Variants in EPRS1 observed in about 807,000 individuals in gnomAD.
EPRS1 encodes bifunctional glutamate/proline--tRNA ligase.
EPRS1 carries 107 observed loss-of-function variants against 188.3 expected under a neutral mutation model. That is an observed-to-expected ratio of 0.57 (90% CI 0.49 to 0.67). The LOEUF (loss-of-function observed/expected upper bound fraction) is 0.67, where lower values mean the gene tolerates loss of function less well. Ranked by LOEUF, EPRS1 falls within the 30% of genes least tolerant of loss-of-function variation. The pLI is 0.00. For missense variants in EPRS1, 1,577 were observed against 1,802.2 expected, an observed-to-expected ratio of 0.88 and a Z score of 2.26; for synonymous variants, 596 against 593.1, an observed-to-expected ratio of 1.00 and a Z score of -0.07.
At chr1:219,991,678 T>C (rs951138440) in intron 18 of EPRS1, among the ~76,000 whole-genome samples, 5 of 152,182 alleles carry the variant, frequency 3.3e-5, no homozygotes, top group African/African-American at 1.2e-4. Context: ...AACCGATTAC[T>C]GAAACCTGAT....
At chr1:220,025,399 T>C (rs1279186395) in intron 6 of EPRS1, 141 bp from the exon 7 acceptor site, 1 of 539,524 alleles carries the variant, frequency 1.9e-6, no homozygotes, top group African/African-American at 2.0e-5. Context: ...TAACAAAAAG[T>C]ACTGTGATAG....
intron 8 of EPRS1, among the ~76,000 whole-genome samples, chr1:220,023,963 C>T (rs534325320): frequency 1.3e-5 from 2 of 152,124 alleles, no homozygotes; most frequent in Non-Finnish European, 2.9e-5. Flanking sequence ...ACCAGCTTGG[C>T]CAATATGGTG....
At chr1:219,994,700 G>C (rs987657402) in intron 18 of EPRS1, among the ~76,000 whole-genome samples, 7 of 139,430 alleles carry the variant, frequency 5.0e-5, no homozygotes, top group Admixed American at 1.5e-4. Context: ...GCCCAGGCTG[G>C]AGTACAGTGG....
At chr1:220,015,625 G>A (rs1480627544) in intron 12 of EPRS1, among the ~76,000 whole-genome samples, 19 of 152,128 alleles carry the variant, frequency 1.2e-4, no homozygotes, top group African/African-American at 2.6e-4. Flanking sequence ...CCAATGATGC[G>A]GATGAAAACA....
rs1310058322 is a variant in EPRS1 at position 220,025,151 on chromosome 1, T to C, written c.731A>G (p.Glu244Gly). ...AATTACCTTCTCAAAATCTTCCTTT[T>C]CTTTTTCAGGATTTGTGTCATCAAA... ...MRFDDTNPEK[E>G]KEDFEKVILE... The change falls in exon 7 of 32, where the codon GAA becomes GGA. Residue 244 changes from glutamate to glycine, a missense_variant. Coordinates refer to ENST00000366923, the MANE Select transcript of EPRS1 (RefSeq NM_004446.3). 3.7e-6 allele frequency: 6 copies of C among 1,613,410 alleles called. No individual in the cohort carries two copies. The highest frequency in any genetic ancestry group is 4.2e-6 in the Non-Finnish European group (5 of 1,179,642).
chr1:220,022,605 T>G, intron 8 of EPRS1, 87 bp from the exon 9 acceptor site: 1 of 1,151,076 alleles, frequency 8.7e-7, no homozygotes, highest in Middle Eastern at 2.1e-4. Context: ...TAAATTTTCA[T>G]GTTCTTGTTT....
chr1:220,003,832 A>G (rs1228196080), intron 16 of EPRS1, among the ~76,000 whole-genome samples: 3 of 152,250 alleles, frequency 2.0e-5, no homozygotes, highest in Non-Finnish European at 4.4e-5. Context: ...AAGGTTACTC[A>G]TATGACGAAA....
chr1:219,969,446 A>C (rs1660624454), intron 30 of EPRS1, among the ~76,000 whole-genome samples: 1 of 152,130 alleles, frequency 6.6e-6, no homozygotes, highest in Admixed American at 6.6e-5. Flanking sequence ...TATCTCCCTC[A>C]TTTCAAACCT....
At chr1:220,022,055 C>T (rs74609910) in intron 9 of EPRS1, among the ~76,000 whole-genome samples, 2,961 of 151,758 alleles carry the variant, frequency 0.02, 89 homozygotes, top group African/African-American at 0.06. Flanking sequence ...GTATCTTCAC[C>T]TAAAGATGTA....
At chr1:220,014,403 T>C (rs1347152677) in intron 12 of EPRS1, among the ~76,000 whole-genome samples, 4 of 151,900 alleles carry the variant, frequency 2.6e-5, no homozygotes, top group East Asian at 1.9e-4. Flanking sequence ...CCCCACTCCA[T>C]ATAACCAGGC....
At chr1:219,985,401 T>A (rs1217550016) in intron 20 of EPRS1, among the ~76,000 whole-genome samples, 6 of 152,134 alleles carry the variant, frequency 3.9e-5, no homozygotes, top group Non-Finnish European at 8.8e-5. Flanking sequence ...AAGTTTTTCT[T>A]TTTCTTTTTT....
chr1:220,016,057 A>C (rs531056791), intron 12 of EPRS1, among the ~76,000 whole-genome samples: 10 of 152,274 alleles, frequency 6.6e-5, no homozygotes, highest in African/African-American at 2.4e-4. Context: ...GAGACAGAAA[A>C]GTATGCAGGG....
At chr1:219,972,297 C>A in intron 29 of EPRS1, 150 bp from the exon 30 acceptor site, 1 of 511,088 alleles carries the variant, frequency 2.0e-6, no homozygotes, top group Non-Finnish European at 3.6e-6. Flanking sequence ...TAGTGACCAT[C>A]AGTATATCAG....
At chr1:220,037,917 A>C (rs12117454) in intron 2 of EPRS1, among the ~76,000 whole-genome samples, 7,688 of 152,232 alleles carry the variant, frequency 0.051, 274 homozygotes, top group Non-Finnish European at 0.082. Context: ...GCTCAGTAGT[A>C]AATAAAACTT....
chr1:220,030,565 T>C, intron 5 of EPRS1, 85 bp from the exon 6 acceptor site: 2 of 897,292 alleles, frequency 2.2e-6, no homozygotes, highest in Non-Finnish European at 3.7e-6. Flanking sequence ...TGCCAGGCAC[T>C]ACACACACTG....
chr1:220,019,504 T>C (rs1661818043), intron 10 of EPRS1, among the ~76,000 whole-genome samples: 1 of 152,166 alleles, frequency 6.6e-6, no homozygotes, highest in African/African-American at 2.4e-5. Flanking sequence ...AACAAAAATA[T>C]ATGTAGGAAA....
intron 1 of EPRS1, among the ~76,000 whole-genome samples, chr1:220,040,480 C>A (rs916192420): frequency 1.3e-5 from 2 of 152,328 alleles, no homozygotes; most frequent in South Asian, 2.1e-4. Context: ...GCATATCCAA[C>A]TGGTTTTGAA....
At chr1:220,043,429 T>C (rs1662337049) in intron 1 of EPRS1, among the ~76,000 whole-genome samples, 1 of 152,138 alleles carries the variant, frequency 6.6e-6, no homozygotes, top group South Asian at 2.1e-4. Flanking sequence ...TGCCAACTAA[T>C]ACATACAGAA....
rs372226622 is a variant in EPRS1 at position 219,978,836 on chromosome 1, T to C, written c.3910-117A>G. The C allele has an allele frequency of 5.2e-4, 365 of 698,988 alleles. 1 individual carries two copies. The highest frequency in any genetic ancestry group is 4.7e-3 in the South Asian group (223 of 47,640). 43.3% of individuals were successfully genotyped at this position (698,988 alleles called of 1,614,324 possible). On this transcript the variant is annotated intron_variant, in intron 27 of 31. Transcript: ENST00000366923. ...ATTAACACGAATCAGCTGTGTGATT[T>C]CTAATCTTATATATAATGTCTACTA...
Sources: allele counts gnomAD v4.1 joint callset (sites outside exome capture counted in the v4.1 genomes callset), GRCh38; gene constraint gnomAD v4.1.1; transcripts MANE v1.5; gene names NCBI Gene and HGNC (gene_info 2026-07-23, HGNC 2026-07-21).